Variants in FBN3 observed in about 807,000 individuals in gnomAD.
FBN3 encodes fibrillin 3, also known as fibrillin-3.
In FBN3, 234 loss-of-function variants were observed where a neutral mutation model predicts 330.1. That is an observed-to-expected ratio of 0.71 (90% CI 0.64 to 0.79). The LOEUF (loss-of-function observed/expected upper bound fraction) is 0.79. FBN3 is among the 30% of genes least tolerant of loss of function. The pLI, the probability that FBN3 is intolerant of heterozygous loss-of-function variation, is 0.00. For missense variants in FBN3, 3,606 were observed against 3,886.9 expected, an observed-to-expected ratio of 0.93 and a Z score of 1.92; for synonymous variants, 1,458 against 1,517.3, an observed-to-expected ratio of 0.96 and a Z score of 0.91.
At position 8,149,417 on chromosome 19, in the gene FBN3, CGCCCCGCCGCTG is replaced by C. The variant is rs1321180400; in HGVS notation, c.-18+20_-18+31del. On this transcript the variant is annotated intron_variant, in intron 1 of 63. Transcript: ENST00000600128. This position sits in a 1 kb window ranked among gnomAD's most constrained non-coding sequence, Gnocchi z 5.5. Reference sequence around the variant, plus strand: ...CTCCACCCTTCAGCGCCCGCGATCTCGCCCCGCCGCTGGCCCCGCGCCTTCACCTACCTGCGA... The same window carrying C: ...CTCCACCCTTCAGCGCCCGCGATCTCGCCCCGCGCCTTCACCTACCTGCGA... The C allele has an allele frequency of 6.6e-6, 1 of 151,832 alleles. No individual in the cohort carries two copies. The highest frequency in any genetic ancestry group is 2.4e-5 in the African/African-American group (1 of 41,396). The allele number at this position is 151,832 out of a possible 1,614,324, so 9.4% of individuals were successfully genotyped here.
At position 8,148,477 on chromosome 19, in the gene FBN3, GAGA is replaced by G. The variant is rs146837587; in HGVS notation, c.-18+969_-18+971del. Among the ~76,000 whole-genome samples, 26 of 152,316 alleles carry G rather than the reference GAGA, an allele frequency of 1.7e-4. No homozygotes were observed. The East Asian group carries it at 4.8e-3, about 28-fold the overall frequency. On this transcript the variant is annotated intron_variant, in intron 1 of 63. Coordinates refer to ENST00000600128, the MANE Select transcript of FBN3 (RefSeq NM_032447.5). ...CTAAGCCGGAGCTTAAGCCCACGAA[GAGA>G]AGAAGGAGGGGAAGAAGATCAGGAA... is the stretch of plus-strand genomic sequence containing the variant.
At chr19:8,071,269 G>A (rs534953845) in intron 63 of FBN3, among the ~76,000 whole-genome samples, 1 of 152,300 alleles carries the variant, frequency 6.6e-6, no homozygotes, top group East Asian at 1.9e-4. Context: ...GGGGTGGCCC[G>A]AGAGGGAAGG....
chr19:8,137,391 C>T (rs1479381725), intron 10 of FBN3, among the ~76,000 whole-genome samples: 1 of 151,664 alleles, frequency 6.6e-6, no homozygotes, highest in African/African-American at 2.4e-5. Flanking sequence ...AACCTGGAGC[C>T]TAGATCCCTC....
intron 13 of FBN3, 25 bp downstream of exon 13, chr19:8,135,936 G>GGGGGGGGGGGGGGGGGGGCCCCCCC: frequency 3.9e-5 from 26 of 668,742 alleles, no homozygotes; most frequent in Non-Finnish European, 6.2e-5. Flanking sequence ...GGAAGCCCCT[G>GGGGGGGGGGGGGGGGGGGCCCCCCC]CCCACCCGCC....
chr19:8,092,667 A>G (rs560925159), intron 47 of FBN3, among the ~76,000 whole-genome samples: 1 of 141,846 alleles, frequency 7.0e-6, no homozygotes, highest in African/African-American at 2.6e-5. Flanking sequence ...GTGAGCTGAG[A>G]CTGTGCCACT....
intron 26 of FBN3, among the ~76,000 whole-genome samples, chr19:8,118,083 A>G (rs1286150369): frequency 6.6e-6 from 1 of 151,978 alleles, no homozygotes; most frequent in Non-Finnish European, 1.5e-5. Flanking sequence ...ACACTCACAC[A>G]GACACACACA....
intron 3 of FBN3, 92 bp downstream of exon 3, chr19:8,147,012 C>T: frequency 1.6e-6 from 2 of 1,216,538 alleles, no homozygotes; most frequent in Non-Finnish European, 2.3e-6. Flanking sequence ...AGGTCCCTGG[C>T]TAAGTCCCCG....
In FBN3 at chr19:8,126,630, G is replaced by C. The variant is rs752416395; in HGVS notation, c.2417-25C>G. On this transcript the variant is annotated intron_variant, in intron 19 of 63. Coordinates refer to ENST00000600128, the MANE Select transcript of FBN3 (RefSeq NM_032447.5). ...TCTGGGGAGAAGAGGCGGGTCACCT[G>C]TCTCACCTGCCGGCCCTACACCTGC... 9 of 1,603,072 alleles carry C rather than the reference G, an allele frequency of 5.6e-6. No individual in the cohort carries two copies. The African/African-American group carries it at 6.7e-5, about 12-fold the overall frequency.
At position 8,102,809 on chromosome 19, in the gene FBN3, G is replaced by A. The variant is rs140876007; in HGVS notation, c.5004C>T (p.Asn1668=). 14 of 1,613,992 alleles carry A rather than the reference G, an allele frequency of 8.7e-6. No individual in the cohort carries two copies. Among genetic ancestry groups the A allele is most frequent in the East Asian group, 6.7e-5 (3 of 44,888 alleles). ...NGTCQNELAF[N]VTRKMCCCSY... is the part of the protein sequence containing the mutation. ...AGCAGCAACACATTTTCCGGGTCACGTTGAAGGCCAGCTCATTTTGACATG... is the reference window on the plus strand; with the variant it reads ...AGCAGCAACACATTTTCCGGGTCACATTGAAGGCCAGCTCATTTTGACATG... The change falls in exon 40 of 64, where the codon AAC becomes AAT. Residue 1668 remains asparagine, a synonymous_variant. Transcript: ENST00000600128.
Position 8,100,959 on chromosome 19 carries a change from G to C in FBN3, c.5103C>G (p.Ile1701Met), listed in dbSNP as rs541535428. 2 of 1,613,770 alleles carry C rather than the reference G, an allele frequency of 1.2e-6. No individual in the cohort carries two copies. Reference sequence around the variant, plus strand: ...ATCCCGGGGCCTGATTTCCACACAGGATCTGGTAGTCAGCTGCGCAAAGGG... The same window carrying C: ...ATCCCGGGGCCTGATTTCCACACAGCATCTGGTAGTCAGCTGCGCAAAGGG... ...CPTPISPDYQILCGNQAPGFL... is the reference protein window; with the variant it reads ...CPTPISPDYQMLCGNQAPGFL... The change falls in exon 41 of 64, where the codon ATC becomes ATG. Residue 1701 changes from isoleucine (I) to methionine (M), a missense_variant. Coordinates refer to ENST00000600128, the MANE Select transcript of FBN3 (RefSeq NM_032447.5).
At chr19:8,135,936 G>GGGGGGGGGGGGGGGCGGCC in intron 13 of FBN3, 25 bp downstream of exon 13, 2 of 668,776 alleles carry the variant, frequency 3.0e-6, no homozygotes, top group Non-Finnish European at 4.8e-6. Flanking sequence ...GGAAGCCCCT[G>GGGGGGGGGGGGGGGCGGCC]CCCACCCGCC....
chr19:8,078,792 T>TCA (rs56317214), intron 59 of FBN3, among the ~76,000 whole-genome samples: 56 of 129,506 alleles, frequency 4.3e-4, no homozygotes, highest in Non-Finnish European at 2.1e-4. Context: ...TCTCTCTCTC[T>TCA]TTTTTTTTTT....
At chr19:8,112,810 C>T (rs1366079757) in intron 30 of FBN3, among the ~76,000 whole-genome samples, 2 of 152,192 alleles carry the variant, frequency 1.3e-5, no homozygotes, top group African/African-American at 4.8e-5. Context: ...GCTGCTGTTA[C>T]TAAACATTTC....
chr19:8,069,891 G>C (rs2081476413), intron 63 of FBN3, among the ~76,000 whole-genome samples: 1 of 152,280 alleles, frequency 6.6e-6, no homozygotes, highest in South Asian at 2.1e-4. Context: ...ATCACTTGAG[G>C]CCAGGAGTTT....
Position 8,091,585 on chromosome 19 carries a change from C to G in FBN3, c.5911G>C (p.Asp1971His), listed in dbSNP as rs769644980. The G allele has an allele frequency of 2.5e-6, 4 of 1,613,866 alleles. No homozygotes were observed. The Admixed American group carries it at 6.7e-5, about 27-fold the overall frequency. ...AGGTTGGGCTCCTCTGAGCACTCGT[C>G]GATATCTGGAAGGGCAGGGACATGA... The part of the protein sequence containing the change: ...QVQSDHCIDI[D>H]ECSEEPNLCL... The change falls in exon 48 of 64, where the codon GAC (aspartate) becomes CAC (histidine). Residue 1971 changes from aspartate to histidine, a missense_variant. Transcript: ENST00000600128.
intron 51 of FBN3, among the ~76,000 whole-genome samples, chr19:8,089,239 G>A (rs2082038022): frequency 6.6e-6 from 1 of 152,180 alleles, no homozygotes; most frequent in Non-Finnish European, 1.5e-5. Flanking sequence ...GTAAATGAGT[G>A]AGTGAATGAG....
At chr19:8,118,688 C>T (rs2144878798) in intron 26 of FBN3, among the ~76,000 whole-genome samples, 1 of 152,268 alleles carries the variant, frequency 6.6e-6, no homozygotes, top group Non-Finnish European at 1.5e-5. Flanking sequence ...CATCTAGACA[C>T]ACAAACACAC....
At chr19:8,118,866 C>T (rs2082771648) in intron 26 of FBN3, 31 bp downstream of exon 26, 2 of 1,593,228 alleles carry the variant, frequency 1.3e-6, no homozygotes, top group Admixed American at 1.7e-5. Context: ...TGGGCTAACA[C>T]TCACACTTGC....
intron 18 of FBN3, 94 bp downstream of exon 18, chr19:8,128,934 G>T: frequency 6.9e-7 from 1 of 1,440,534 alleles, no homozygotes; most frequent in South Asian, 1.4e-5. Flanking sequence ...AAGCATCTTT[G>T]AGCGTGTGCA....
Sources: gnomAD v4.1 joint callset for allele counts (sites outside exome capture counted in the v4.1 genomes callset) on GRCh38, gnomAD v4.1.1 for gene constraint, Gnocchi (gnomAD v3.1) non-coding constraint, MANE v1.5 for transcripts, NCBI Gene and HGNC (gene_info 2026-07-23, HGNC 2026-07-21) for gene names.